CFAP299: variants seen among roughly 807,000 people sequenced by gnomAD.
CFAP299 encodes the protein cilia- and flagella-associated protein 299.
In CFAP299, 21 loss-of-function variants were observed where a neutral mutation model predicts 27.0. The ratio of observed to expected loss-of-function variants is 0.78; its 90% confidence interval spans 0.55 to 1.12. CFAP299 has a LOEUF of 1.12. Among genes scored for constraint, CFAP299 ranks in the 50% most tolerant of loss-of-function variants. CFAP299 has a pLI of 0.00. For synonymous variants in CFAP299, 104 were observed against 98.1 expected (o/e 1.06, Z -0.36); for missense variants, 310 against 276.6 (o/e 1.12, Z -0.86).
intron 4 of CFAP299, among the ~76,000 whole-genome samples, chr4:80,897,851 A>G (rs921618480): frequency 2.0e-5 from 3 of 152,214 alleles, no homozygotes; most frequent in Non-Finnish European, 4.4e-5. Flanking sequence ...AGAAAACTAA[A>G]TTGAAACAGG....
intron 3 of CFAP299, among the ~76,000 whole-genome samples, chr4:80,601,596 A>G (rs1054064851): frequency 6.6e-6 from 1 of 152,082 alleles, no homozygotes; most frequent in African/African-American, 2.4e-5. Context: ...CCATTGTTGT[A>G]TTTTTTCCCC....
At chr4:80,460,478 G>A (rs575671719) in intron 2 of CFAP299, among the ~76,000 whole-genome samples, 1 of 152,198 alleles carries the variant, frequency 6.6e-6, no homozygotes, top group South Asian at 2.1e-4. Flanking sequence ...GCCAGACCCT[G>A]CACTTTCTCC....
intron 1 of CFAP299, among the ~76,000 whole-genome samples, chr4:80,361,283 A>T (rs1323350037): frequency 6.6e-6 from 1 of 152,252 alleles, no homozygotes; most frequent in Non-Finnish European, 1.5e-5. Flanking sequence ...TATTCAAAAT[A>T]AATATAGCAA....
chr4:80,411,659 A>AT (rs528610619), intron 2 of CFAP299, among the ~76,000 whole-genome samples: 3 of 151,886 alleles, frequency 2.0e-5, no homozygotes, highest in Non-Finnish European at 4.4e-5. Context: ...TTCTTTCACC[A>AT]TTTTTTTGTT....
chr4:80,861,832 T>C (rs1422070297), intron 3 of CFAP299, among the ~76,000 whole-genome samples: 3 of 152,210 alleles, frequency 2.0e-5, no homozygotes, highest in African/African-American at 7.2e-5. Context: ...CCATCTTTTC[T>C]GTATAAATAT....
intron 2 of CFAP299, among the ~76,000 whole-genome samples, chr4:80,516,948 G>A (rs72875704): frequency 0.093 from 14,132 of 152,152 alleles, 957 homozygotes; most frequent in East Asian, 0.25. Flanking sequence ...CTAGGGCAGC[G>A]ATCTTTTTAT....
chr4:80,905,443 A>T (rs911109816), intron 4 of CFAP299, among the ~76,000 whole-genome samples: 2 of 152,204 alleles, frequency 1.3e-5, no homozygotes, highest in African/African-American at 4.8e-5. Flanking sequence ...AATCATTAAA[A>T]TATATTGTAA....
intron 4 of CFAP299, among the ~76,000 whole-genome samples, chr4:80,891,457 C>T (rs1229448361): frequency 6.6e-6 from 1 of 150,420 alleles, no homozygotes; most frequent in African/African-American, 2.5e-5. Context: ...GAGTTCATGT[C>T]CTTTGTAGGG....
chr4:80,595,372 A>C (rs1212854386), intron 3 of CFAP299, among the ~76,000 whole-genome samples: 1 of 152,182 alleles, frequency 6.6e-6, no homozygotes, highest in East Asian at 1.9e-4. Flanking sequence ...TTATTGTTTT[A>C]GTGTTTACAT....
At chr4:80,649,839 T>A (rs1207968584) in intron 3 of CFAP299, among the ~76,000 whole-genome samples, 1 of 152,154 alleles carries the variant, frequency 6.6e-6, no homozygotes, top group Non-Finnish European at 1.5e-5. Context: ...ATTGTTGTCA[T>A]GTTTCAGTTT....
intron 4 of CFAP299, among the ~76,000 whole-genome samples, chr4:80,933,208 G>C (rs1736715195): frequency 6.8e-6 from 1 of 146,160 alleles, no homozygotes; most frequent in South Asian, 2.2e-4. Context: ...GAAAACTTAG[G>C]ACCTACAGTA....
At chr4:80,879,804 T>A (rs1733599300) in intron 4 of CFAP299, among the ~76,000 whole-genome samples, 1 of 152,224 alleles carries the variant, frequency 6.6e-6, no homozygotes, top group Admixed American at 6.5e-5. Flanking sequence ...TTGTTCGGCT[T>A]CTCTAGTCAT....
chr4:80,807,706 A>G (rs1728935743), intron 3 of CFAP299, among the ~76,000 whole-genome samples: 1 of 152,134 alleles, frequency 6.6e-6, no homozygotes, highest in Non-Finnish European at 1.5e-5. Flanking sequence ...GAATAAATAT[A>G]ATAAAATGCA....
At chr4:80,599,181 A>C (rs1050526856) in intron 3 of CFAP299, among the ~76,000 whole-genome samples, 15 of 152,170 alleles carry the variant, frequency 9.9e-5, no homozygotes, top group African/African-American at 3.6e-4. Flanking sequence ...TAAGACATAC[A>C]ATGAATTATG....
At chr4:80,654,000 A>C (rs962148995) in intron 3 of CFAP299, among the ~76,000 whole-genome samples, 2 of 152,146 alleles carry the variant, frequency 1.3e-5, no homozygotes, top group African/African-American at 2.4e-5. Flanking sequence ...GGTGGGAAAG[A>C]ACTAATGCAT....
intron 3 of CFAP299, among the ~76,000 whole-genome samples, chr4:80,738,120 G>T (rs1411173104): frequency 6.6e-6 from 1 of 152,110 alleles, no homozygotes; most frequent in Non-Finnish European, 1.5e-5. Context: ...TTTTTTGAAT[G>T]TTTTAAGACT....
intron 4 of CFAP299, among the ~76,000 whole-genome samples, chr4:80,921,424 A>G (rs1324456783): frequency 2.6e-5 from 4 of 152,086 alleles, no homozygotes; most frequent in African/African-American, 7.2e-5. Flanking sequence ...TAATTTTTAA[A>G]GAATGTATAG....
At chr4:80,722,629 T>G (rs928836113) in intron 3 of CFAP299, among the ~76,000 whole-genome samples, 15 of 151,624 alleles carry the variant, frequency 9.9e-5, no homozygotes, top group African/African-American at 3.6e-4. Context: ...GGCCGGGCGC[T>G]GTGGCTCACG....
chr4:80,770,691 C>T (rs1560742748), intron 3 of CFAP299, among the ~76,000 whole-genome samples: 1 of 152,068 alleles, frequency 6.6e-6, no homozygotes, highest in Non-Finnish European at 1.5e-5. Flanking sequence ...TCTTTGAAAT[C>T]AAGGTGTCAG....
Sources: gnomAD v4.1 joint callset for allele counts (sites outside exome capture counted in the v4.1 genomes callset) on GRCh38, gnomAD v4.1.1 for gene constraint, MANE v1.5 for transcripts, NCBI Gene and HGNC (gene_info 2026-07-23, HGNC 2026-07-21) for gene names.